Variants in MAT2B observed in about 807,000 individuals in gnomAD.
The protein encoded by MAT2B is methionine adenosyltransferase 2 subunit beta.
Under a neutral mutation model 36.1 loss-of-function variants are expected in MAT2B, and 16 were observed. That is an observed-to-expected ratio of 0.44 (90% CI 0.30 to 0.67). MAT2B has a LOEUF of 0.67. Ranked by LOEUF, MAT2B falls within the 30% of genes least tolerant of loss-of-function variation. The pLI is 0.09. For missense variants in MAT2B, 332 were observed against 398.2 expected (o/e 0.83, Z 1.42); for synonymous variants, 148 against 136.9 (o/e 1.08, Z -0.57).
chr5:163,508,295 T>C (rs2113551069), intron 1 of MAT2B, among the ~76,000 whole-genome samples: 1 of 152,346 alleles, frequency 6.6e-6, no homozygotes, highest in South Asian at 2.1e-4. Flanking sequence ...TGAAGTGCAG[T>C]GGCTCAATCT....
chr5:163,505,509 GC>G (rs1459360966), upstream of MAT2B: 1 of 1,237,900 alleles, frequency 8.1e-7, no homozygotes, highest in Non-Finnish European at 1.0e-6. Context: ...TCTTTCTGGG[GC>G]GTCGGCGGAG....
chr5:163,505,211 T>C (rs1759907258), upstream of MAT2B, among the ~76,000 whole-genome samples: 1 of 149,830 alleles, frequency 6.7e-6, no homozygotes, highest in Non-Finnish European at 1.5e-5. Context: ...CATTATGCTC[T>C]ACCCACCTCC....
intron 4 of MAT2B, among the ~76,000 whole-genome samples, chr5:163,514,414 C>T (rs1234359953): frequency 6.6e-6 from 1 of 152,048 alleles, no homozygotes; most frequent in African/African-American, 2.4e-5. Flanking sequence ...TATGGTGTTT[C>T]TTTTTTCCTG....
At chr5:163,505,870 G>C in intron 1 of MAT2B, 121 bp downstream of exon 1, 1 of 728,654 alleles carries the variant, frequency 1.4e-6, no homozygotes. Context: ...GCCGGGAGTG[G>C]TCTCACCGCC....
intron 4 of MAT2B, among the ~76,000 whole-genome samples, chr5:163,515,430 T>C (rs7722729): frequency 0.17 from 25,547 of 152,154 alleles, 2,361 homozygotes; most frequent in African/African-American, 0.22. Context: ...CATTGATAAT[T>C]AGTTGAATTT....
chr5:163,516,644 A>G lies in MAT2B; in HGVS notation c.653A>G (p.Gln218Arg), dbSNP rs144243962. The change falls in exon 5 of 7, where the codon CAG becomes CGG. Residue 218 changes from glutamine to arginine, a missense_variant. By Grantham distance (43) the Gln-to-Arg change is conservative (BLOSUM62 1). Transcript: ENST00000321757. ...NKSANMDHWQ[Q>R]RFPTHVKDVA... ...TCAGCAAACATGGATCACTGGCAGC[A>G]GAGGTTCCCCACACATGTCAAAGAT... is the stretch of plus-strand genomic sequence containing the variant. The G allele has an allele frequency of 2.7e-5, 44 of 1,614,098 alleles. No homozygotes were observed. The highest frequency in any genetic ancestry group is 3.7e-5 in the Non-Finnish European group (44 of 1,180,050).
At position 163,513,552 on chromosome 5, in the gene MAT2B, T is replaced by C. The variant is rs1245585666; in HGVS notation, c.259-3T>C. On this transcript the variant is annotated splice_polypyrimidine_tract_variant and splice_region_variant and intron_variant, in intron 2 of 6. Coordinates refer to ENST00000321757, the MANE Select transcript of MAT2B (RefSeq NM_013283.5). ...TAAAAATACGTCAATGCTTAACTTC[T>C]AGCCCCATGTTATAGTACATTGTGC... is the stretch of plus-strand genomic sequence containing the variant. 6.4e-7 allele frequency: 1 copy of C among 1,553,028 alleles called. No individual in the cohort carries two copies. The highest frequency in any genetic ancestry group is 1.4e-5 in the African/African-American group (1 of 73,568).
upstream of MAT2B, among the ~76,000 whole-genome samples, chr5:163,505,244 A>C (rs1466558119): frequency 6.6e-6 from 1 of 151,774 alleles, no homozygotes; most frequent in East Asian, 1.9e-4. Context: ...ATGACTTTAA[A>C]ATGCTTTTTA....
chr5:163,515,459 CTTTCT>C (rs1414411900), intron 4 of MAT2B, among the ~76,000 whole-genome samples: 3 of 152,104 alleles, frequency 2.0e-5, no homozygotes, highest in Non-Finnish European at 2.9e-5. Flanking sequence ...AATACTTTAC[CTTTCT>C]TTTATCTTCT....
intron 4 of MAT2B, among the ~76,000 whole-genome samples, chr5:163,514,286 C>T (rs911569118): frequency 1.3e-5 from 2 of 152,098 alleles, no homozygotes; most frequent in African/African-American, 4.8e-5. Context: ...TATAATTTCT[C>T]TTAGAGTGAG....
intron 1 of MAT2B, among the ~76,000 whole-genome samples, chr5:163,511,344 C>T (rs1219790826): frequency 1.3e-5 from 2 of 151,348 alleles, no homozygotes; most frequent in Admixed American, 1.3e-4. Context: ...CTGCTTATTA[C>T]AGCCTTGGCC....
chr5:163,507,893 G>A (rs77429502), intron 1 of MAT2B, among the ~76,000 whole-genome samples: 1,842 of 152,256 alleles, frequency 0.012, 41 homozygotes, highest in African/African-American at 0.042. Context: ...CGGACTCCTC[G>A]TGGTAGGGAT....
intron 3 of MAT2B, 58 bp from the exon 4 acceptor site, chr5:163,513,784 T>C: frequency 6.4e-7 from 1 of 1,551,496 alleles, no homozygotes; most frequent in Non-Finnish European, 8.8e-7. Flanking sequence ...CCATTCTAAA[T>C]TCCATGAAAG....
rs778177105 is a variant in MAT2B, at chr5:163,512,154, G to T, written c.216G>T (p.Leu72=). ...GACCAAAATTTGAACAGGTTAATCT[G>T]TTGGATTCTAATGCAGTTCATCACA... ...RARPKFEQVN[L]LDSNAVHHII... The change falls in exon 2 of 7, where the codon CTG becomes CTT. Residue 72 remains leucine (L), a synonymous_variant. Transcript: ENST00000321757. 69 of 1,613,984 alleles carry T rather than the reference G, an allele frequency of 4.3e-5. No individual in the cohort carries two copies. Among genetic ancestry groups the T allele is most frequent in the Non-Finnish European group, 5.8e-5 (68 of 1,179,968 alleles).
intron 1 of MAT2B, among the ~76,000 whole-genome samples, chr5:163,511,253 A>G (rs1760035802): frequency 1.6e-5 from 2 of 127,472 alleles, no homozygotes; most frequent in Non-Finnish European, 3.2e-5. Context: ...TAAGATTATT[A>G]TAACTTTTTT....
At chr5:163,503,216 GA>G, upstream of MAT2B, 2 of 607,522 alleles carry the variant, frequency 3.3e-6, no homozygotes, top group Non-Finnish European at 6.0e-6. Flanking sequence ...GCCATGTGGA[GA>G]ACTGCACGAG....
At chr5:163,504,243 C>T (rs1759892856), upstream of MAT2B, among the ~76,000 whole-genome samples, 1 of 151,932 alleles carries the variant, frequency 6.6e-6, no homozygotes, top group African/African-American at 2.4e-5. Flanking sequence ...CTTTGTTGTC[C>T]CCTGATTATG....
At chr5:163,512,950 G>A (rs966351945) in intron 2 of MAT2B, 5 of 227,912 alleles carry the variant, frequency 2.2e-5, no homozygotes, top group African/African-American at 4.8e-5. Context: ...CAAAGTGCTG[G>A]GATTACAGAT....
intron 1 of MAT2B, among the ~76,000 whole-genome samples, chr5:163,509,646 A>C (rs542044173): frequency 1.3e-5 from 2 of 152,144 alleles, no homozygotes; most frequent in African/African-American, 2.4e-5. Context: ...AAACCAAATT[A>C]TCTCTCTTTT....
Sources: allele counts gnomAD v4.1 joint callset (sites outside exome capture counted in the v4.1 genomes callset), GRCh38; gene constraint gnomAD v4.1.1; transcripts MANE v1.5; gene names NCBI Gene and HGNC (gene_info 2026-07-23, HGNC 2026-07-21).